The following AGBL1 variants were observed in gnomAD, a reference collection of about 807,000 sequenced individuals.
AGBL1 encodes the protein cytosolic carboxypeptidase 4.
Under a neutral mutation model 118.9 loss-of-function variants are expected in AGBL1, and 130 were observed. The ratio of observed to expected loss-of-function variants is 1.09; its 90% confidence interval spans 0.95 to 1.26. AGBL1 has a LOEUF of 1.26. Ranked by LOEUF, AGBL1 falls within the 50% of genes most tolerant of loss-of-function variation. AGBL1 has a pLI of 0.00. For missense variants in AGBL1, 1,584 were observed against 1,298.1 expected (o/e 1.22, Z -3.38); for synonymous variants, 555 against 478.9 (o/e 1.16, Z -2.08).
intron 21 of AGBL1, among the ~76,000 whole-genome samples, chr15:86,650,327 A>T (rs565794601): frequency 2.6e-5 from 4 of 152,320 alleles, no homozygotes; most frequent in Non-Finnish European, 4.4e-5. Flanking sequence ...TGTTTCAGCC[A>T]TCAGTCATCT....
intron 24 of AGBL1, among the ~76,000 whole-genome samples, chr15:87,002,352 C>A (rs1289368109): frequency 2.6e-5 from 4 of 151,894 alleles, no homozygotes; most frequent in Non-Finnish European, 4.4e-5. Context: ...TGTTTTGGTA[C>A]CAGTACCATG....
intron 5 of AGBL1, among the ~76,000 whole-genome samples, chr15:86,162,074 G>A (rs1168718238): frequency 2.0e-5 from 3 of 152,186 alleles, no homozygotes; most frequent in Non-Finnish European, 2.9e-5. Flanking sequence ...AGATGAGAAC[G>A]TCCTGCCAAT....
intron 22 of AGBL1, among the ~76,000 whole-genome samples, chr15:86,738,989 T>A (rs544725838): frequency 6.6e-6 from 1 of 151,222 alleles, no homozygotes; most frequent in South Asian, 2.1e-4. Context: ...AAAATAAAAA[T>A]AAAAAAATTA....
intron 24 of AGBL1, among the ~76,000 whole-genome samples, chr15:87,024,872 A>G (rs943171644): frequency 2.6e-5 from 4 of 152,114 alleles, no homozygotes; most frequent in African/African-American, 4.8e-5. Flanking sequence ...AGAAATAAAA[A>G]CAAAAACACA....
chr15:86,278,346 A>G (rs1019443151), intron 15 of AGBL1, among the ~76,000 whole-genome samples: 1 of 152,212 alleles, frequency 6.6e-6, no homozygotes, highest in African/African-American at 2.4e-5. Flanking sequence ...CCAAGGCTCC[A>G]GATTGCCATG....
In AGBL1 at chr15:86,526,560, A is replaced by G. The variant is rs549706246; in HGVS notation, c.2685+3621A>G. Among the ~76,000 whole-genome samples the G allele has an allele frequency of 1.5e-3, 209 of 139,968 alleles. 1 individual carries two copies. The highest frequency in any genetic ancestry group is 4.3e-3 in the African/African-American group (159 of 36,726). 91.8% of individuals were successfully genotyped at this position (139,968 alleles called of 152,430 possible). A position where few individuals can be genotyped will look rare whatever the true frequency, so the allele number is the denominator to read the frequency against. ...TGTGTCTGTGTATATATATATATAT[A>G]TATATATATATATACACACAGAGTA... On this transcript the variant is annotated intron_variant, in intron 19 of 22. Coordinates refer to ENST00000614907, the MANE Select transcript of AGBL1 (RefSeq NM_001386094.1).
intron 24 of AGBL1, among the ~76,000 whole-genome samples, chr15:87,013,266 G>T (rs1051336868): frequency 1.3e-5 from 2 of 152,056 alleles, no homozygotes; most frequent in African/African-American, 4.8e-5. Flanking sequence ...GAAAGGTCTG[G>T]CAAGACAGGA....
At chr15:86,661,462 C>T (rs2085538544) in intron 21 of AGBL1, among the ~76,000 whole-genome samples, 1 of 151,808 alleles carries the variant, frequency 6.6e-6, no homozygotes, top group Non-Finnish European at 1.5e-5. Flanking sequence ...AATGGGCTCT[C>T]ACAATTATTT....
chr15:86,312,592 AT>A (rs2079937258), intron 17 of AGBL1, among the ~76,000 whole-genome samples: 3 of 152,178 alleles, frequency 2.0e-5, no homozygotes, highest in Admixed American at 2.0e-4. Context: ...CTCAGAGGGA[AT>A]TGGTGTTACC....
intron 20 of AGBL1, 135 bp downstream of exon 20, chr15:86,546,268 G>T: frequency 9.4e-7 from 1 of 1,067,908 alleles, no homozygotes; most frequent in African/African-American, 1.6e-5. Flanking sequence ...TCTAACCATA[G>T]GATTGTAATA....
At chr15:86,167,418 A>G (rs1814138) in intron 5 of AGBL1, among the ~76,000 whole-genome samples, 9 of 151,640 alleles carry the variant, frequency 5.9e-5, no homozygotes, top group Admixed American at 1.3e-4. Context: ...GCTAATTTTT[A>G]TATTTTTAGT....
chr15:86,584,082 T>C (rs2084212367), intron 21 of AGBL1, among the ~76,000 whole-genome samples: 1 of 152,184 alleles, frequency 6.6e-6, no homozygotes, highest in African/African-American at 2.4e-5. Flanking sequence ...TTCTGGATAT[T>C]AGACCTTTGT....
chr15:86,156,794 C>CTTTTTTTTTTTTTTTTT (rs773611214), intron 4 of AGBL1, among the ~76,000 whole-genome samples: 1 of 105,566 alleles, frequency 9.5e-6, no homozygotes. Flanking sequence ...TCTTTTCTTT[C>CTTTTTTTTTTTTTTTTT]TTTTTTTTTT....
chr15:86,355,125 G>A (rs922526582), intron 17 of AGBL1, among the ~76,000 whole-genome samples: 1 of 152,136 alleles, frequency 6.6e-6, no homozygotes, highest in Non-Finnish European at 1.5e-5. Context: ...TAAAACCTAT[G>A]TTTGGCTTCT....
At chr15:86,224,334 A>G (rs2078325595) in intron 5 of AGBL1, among the ~76,000 whole-genome samples, 1 of 152,162 alleles carries the variant, frequency 6.6e-6, no homozygotes, top group Non-Finnish European at 1.5e-5. Context: ...TGTTGCAAAG[A>G]CTGTGACATT....
intron 22 of AGBL1, among the ~76,000 whole-genome samples, chr15:86,694,961 A>G (rs2086231522): frequency 6.6e-6 from 1 of 151,982 alleles, no homozygotes; most frequent in African/African-American, 2.4e-5. Context: ...ATCATGGTGG[A>G]TTATCTTTTT....
intron 22 of AGBL1, among the ~76,000 whole-genome samples, chr15:86,902,419 A>G (rs923849052): frequency 4.8e-4 from 73 of 152,298 alleles, no homozygotes; most frequent in African/African-American, 1.6e-3. Context: ...ACAATTTTAT[A>G]AATTTTAATT....
At chr15:86,449,082 G>A (rs140004240) in intron 18 of AGBL1, among the ~76,000 whole-genome samples, 5 of 152,122 alleles carry the variant, frequency 3.3e-5, no homozygotes, top group Non-Finnish European at 5.9e-5. Context: ...AGTATATACC[G>A]AGAAAATATG....
chr15:86,699,393 C>T (rs12102221), intron 22 of AGBL1, among the ~76,000 whole-genome samples: 4,592 of 152,058 alleles, frequency 0.03, 246 homozygotes, highest in African/African-American at 0.1. Context: ...ACAAATCTTA[C>T]TGAAAATGTT....
Sources: allele counts gnomAD v4.1 joint callset (sites outside exome capture counted in the v4.1 genomes callset), GRCh38; gene constraint gnomAD v4.1.1; transcripts MANE v1.5; gene names NCBI Gene and HGNC (gene_info 2026-07-23, HGNC 2026-07-21).